DPY19L2: variants seen among roughly 807,000 people sequenced by gnomAD.
DPY19L2 encodes the protein probable C-mannosyltransferase DPY19L2.
In DPY19L2, 34 loss-of-function variants were observed where a neutral mutation model predicts 97.9. The observed-to-expected ratio is 0.35, with a 90% confidence interval of 0.26 to 0.46. DPY19L2 has a LOEUF of 0.46. Ranked by LOEUF, DPY19L2 falls within the 20% of genes least tolerant of loss-of-function variation. The pLI is 1.00. For missense variants in DPY19L2, 623 were observed against 911.4 expected, an observed-to-expected ratio of 0.68 and a Z score of 4.07; for synonymous variants, 230 against 307.9, an observed-to-expected ratio of 0.75 and a Z score of 2.65.
intron 6 of DPY19L2, among the ~76,000 whole-genome samples, chr12:63,637,120 G>C (rs1280161254): frequency 6.6e-6 from 1 of 152,126 alleles, no homozygotes; most frequent in Non-Finnish European, 1.5e-5. Flanking sequence ...TAGAACTCAG[G>C]ATTAAGAAAC....
chr12:63,624,172 C>A lies in DPY19L2; in HGVS notation c.862-41G>T, dbSNP rs371875973. The A allele has an allele frequency of 2.5e-4, 369 of 1,451,086 alleles. 5 individuals are homozygous for A. The South Asian group carries it at 3.9e-3, about 15-fold the overall frequency. 89.9% of individuals were successfully genotyped at this position (1,451,086 alleles called of 1,614,324 possible). A position where few individuals can be genotyped will look rare whatever the true frequency, so the allele number is the denominator to read the frequency against. ...TGCCCACTTTACATCCTATTTACTA[C>A]AACAAACATATTAAAAAACCAGGGG... On this transcript the variant is annotated intron_variant, in intron 7 of 21. Coordinates refer to ENST00000324472, the MANE Select transcript of DPY19L2 (RefSeq NM_173812.5).
At chr12:63,604,203 A>G (rs1266282176) in intron 12 of DPY19L2, among the ~76,000 whole-genome samples, 1 of 152,180 alleles carries the variant, frequency 6.6e-6, no homozygotes, top group Non-Finnish European at 1.5e-5. Context: ...CAAGTCTGCT[A>G]CAATTCAACT....
At chr12:63,638,058 G>C (rs1458383414) in intron 6 of DPY19L2, among the ~76,000 whole-genome samples, 1 of 152,050 alleles carries the variant, frequency 6.6e-6, no homozygotes, top group Non-Finnish European at 1.5e-5. Flanking sequence ...TTCAACATAC[G>C]CAAATCAATA....
intron 4 of DPY19L2, among the ~76,000 whole-genome samples, chr12:63,655,487 A>AC (rs1404128522): frequency 6.6e-6 from 1 of 152,136 alleles, no homozygotes; most frequent in Non-Finnish European, 1.5e-5. Flanking sequence ...TACAGCTAGG[A>AC]AATACATAAT....
intron 6 of DPY19L2, among the ~76,000 whole-genome samples, chr12:63,634,347 AG>A (rs201827826): frequency 0.016 from 2,482 of 152,264 alleles, 73 homozygotes; most frequent in African/African-American, 0.056. Flanking sequence ...ATGGCTGAAT[AG>A]GAACAGCTCC....
chr12:63,642,958 C>A (rs1892907074), intron 6 of DPY19L2, among the ~76,000 whole-genome samples: 1 of 151,836 alleles, frequency 6.6e-6, no homozygotes, highest in Non-Finnish European at 1.5e-5. Flanking sequence ...AATCATTTTC[C>A]CATAGCTGTC....
chr12:63,576,434 T>C (rs1879838605), intron 19 of DPY19L2, among the ~76,000 whole-genome samples: 1 of 151,678 alleles, frequency 6.6e-6, no homozygotes. Context: ...GTACTGGAAA[T>C]CCTAAATAGA....
intron 6 of DPY19L2, among the ~76,000 whole-genome samples, chr12:63,629,544 C>A (rs562606987): frequency 6.6e-6 from 1 of 152,086 alleles, no homozygotes; most frequent in Non-Finnish European, 1.5e-5. Context: ...CAAACAAAGC[C>A]TCCAAGAAAT....
chr12:63,640,880 T>C (rs1265825567), intron 6 of DPY19L2, among the ~76,000 whole-genome samples: 1 of 152,136 alleles, frequency 6.6e-6, no homozygotes, highest in African/African-American at 2.4e-5. Flanking sequence ...AACTTATTTA[T>C]TCATTTATTT....
At chr12:63,585,044 G>A (rs1439043700) in intron 16 of DPY19L2, among the ~76,000 whole-genome samples, 4 of 152,084 alleles carry the variant, frequency 2.6e-5, no homozygotes, top group Admixed American at 6.5e-5. Context: ...TGGCAATCAC[G>A]TGTGTTACTC....
chr12:63,597,652 CA>C (rs907325700), intron 14 of DPY19L2, among the ~76,000 whole-genome samples, 156 bp downstream of exon 14: 1 of 144,222 alleles, frequency 6.9e-6, no homozygotes, highest in African/African-American at 2.6e-5. Flanking sequence ...TTTTAACAGA[CA>C]AAAAAAACAA....
intron 4 of DPY19L2, among the ~76,000 whole-genome samples, chr12:63,657,355 A>G (rs900444584): frequency 3.9e-5 from 6 of 152,138 alleles, no homozygotes; most frequent in Admixed American, 2.6e-4. Flanking sequence ...CCCTAGAAAG[A>G]AAATGCCTTG....
intron 19 of DPY19L2, among the ~76,000 whole-genome samples, chr12:63,576,275 G>T (rs1308708279): frequency 6.6e-6 from 1 of 151,728 alleles, no homozygotes. Context: ...AAATAAACTG[G>T]GTATAGAAGG....
chr12:63,624,221 T>C, intron 7 of DPY19L2, 90 bp from the exon 8 acceptor site: 1 of 926,352 alleles, frequency 1.1e-6, no homozygotes. Flanking sequence ...GTAATTTTAA[T>C]ACTAGGCTCA....
intron 21 of DPY19L2, among the ~76,000 whole-genome samples, chr12:63,565,387 C>T (rs1483448955): frequency 6.6e-6 from 1 of 152,152 alleles, no homozygotes; most frequent in Non-Finnish European, 1.5e-5. Context: ...GCCCTAGAAG[C>T]TGGCCTCCTT....
At chr12:63,627,690 T>A (rs189327396) in intron 6 of DPY19L2, among the ~76,000 whole-genome samples, 2 of 152,148 alleles carry the variant, frequency 1.3e-5, no homozygotes, top group Non-Finnish European at 2.9e-5. Flanking sequence ...ATCATGTCTG[T>A]GTATGAGAAT....
intron 10 of DPY19L2, among the ~76,000 whole-genome samples, chr12:63,617,622 T>C (rs1888065367): frequency 6.6e-6 from 1 of 152,000 alleles, no homozygotes; most frequent in Admixed American, 6.6e-5. Context: ...CTTGGAACAA[T>C]GAAAAATAAG....
chr12:63,640,873 T>G (rs1892592303), intron 6 of DPY19L2, among the ~76,000 whole-genome samples: 1 of 152,102 alleles, frequency 6.6e-6, no homozygotes, highest in African/African-American at 2.4e-5. Context: ...AAAATAGAAC[T>G]TATTTATTCA....
chr12:63,592,352 C>A (rs1386050018), intron 16 of DPY19L2, among the ~76,000 whole-genome samples: 1 of 150,530 alleles, frequency 6.6e-6, no homozygotes, highest in Non-Finnish European at 1.5e-5. Context: ...GCCAAAAGAA[C>A]AAAGCTGGAG....
Sources: allele counts gnomAD v4.1 joint callset (sites outside exome capture counted in the v4.1 genomes callset), GRCh38; gene constraint gnomAD v4.1.1; transcripts MANE v1.5; gene names NCBI Gene and HGNC (gene_info 2026-07-23, HGNC 2026-07-21).